BCL11A: variants seen among roughly 807,000 people sequenced by gnomAD.
The protein encoded by BCL11A is B cell CLL/lymphoma 11A.
BCL11A carries 2 observed loss-of-function variants against 55.9 expected under a neutral mutation model. The ratio of observed to expected loss-of-function variants is 0.04; its 90% CI spans 0.01 to 0.11. BCL11A has a LOEUF of 0.11. BCL11A is among the 10% of genes least tolerant of loss of function. The pLI, the probability that BCL11A is intolerant of heterozygous loss-of-function variation, is 1.00. For synonymous variants in BCL11A, 465 were observed against 473.4 expected, an observed-to-expected ratio of 0.98 and a Z score of 0.23; for missense variants, 817 against 1,137.1, an observed-to-expected ratio of 0.72 and a Z score of 4.05.
intron 2 of BCL11A, among the ~76,000 whole-genome samples, chr2:60,504,622 C>G (rs572834445): frequency 2.3e-4 from 35 of 152,312 alleles, no homozygotes; most frequent in African/African-American, 7.0e-4. Context: ...TCTGTCTCCC[C>G]CAAGCCCTCC....
Position 60,546,251 on chromosome 2 carries a change from C to T in BCL11A, c.105G>A (p.Pro35=), listed in dbSNP as rs774400493. 38 of 1,614,068 alleles carry T rather than the reference C, an allele frequency of 2.4e-5. No homozygotes were observed. The highest frequency in any genetic ancestry group is 1.6e-4 in the Middle Eastern group (1 of 6,082). The change falls in exon 2 of 4, where the codon CCG becomes CCA. Residue 35 remains proline, a synonymous_variant. Transcript: ENST00000642384. The surrounding 1 kb of genome is among the most constrained non-coding windows in gnomAD (Gnocchi z 4.1). ...ILTDDEPDHG[P]LGAPEGDHDL... ...CATGATCCCCTTCTGGAGCTCCCAA[C>T]GGGCCGTGGTCTGGTTCATCATCTG...
downstream of BCL11A, among the ~76,000 whole-genome samples, chr2:60,456,609 C>A (rs1292828246): frequency 1.3e-5 from 2 of 152,180 alleles, no homozygotes; most frequent in Non-Finnish European, 2.9e-5. Flanking sequence ...TCTTTCGTCT[C>A]TCTCTTTTTT....
At chr2:60,479,300 C>G (rs1677813056) in intron 2 of BCL11A, among the ~76,000 whole-genome samples, 1 of 152,250 alleles carries the variant, frequency 6.6e-6, no homozygotes, top group Non-Finnish European at 1.5e-5. Context: ...CCTCTGCGGG[C>G]ACAGCGGCCA....
chr2:60,480,772 A>T (rs1677902200), intron 2 of BCL11A, among the ~76,000 whole-genome samples: 1 of 152,100 alleles, frequency 6.6e-6, no homozygotes, highest in Non-Finnish European at 1.5e-5. Context: ...AATTGGTCTC[A>T]ATTACTAGTC....
At chr2:60,547,511 C>CAAA (rs35182373) in intron 1 of BCL11A, among the ~76,000 whole-genome samples, 1 of 114,624 alleles carries the variant, frequency 8.7e-6, no homozygotes, top group African/African-American at 2.8e-5. Context: ...CTTGCTCTAT[C>CAAA]AAAAAAAAAA....
At chr2:60,524,832 C>T (rs1669140421) in intron 2 of BCL11A, 1 of 152,162 alleles carries the variant, frequency 6.6e-6, no homozygotes, top group Non-Finnish European at 1.5e-5. Context: ...TTCAATGCCA[C>T]ATATAAATGG....
At chr2:60,482,966 T>C (rs902115364) in intron 2 of BCL11A, among the ~76,000 whole-genome samples, 1 of 152,326 alleles carries the variant, frequency 6.6e-6, no homozygotes, top group African/African-American at 2.4e-5. Flanking sequence ...ATTACAGAAA[T>C]GATGATGTTT....
chr2:60,477,261 A>G (rs1392498765), intron 2 of BCL11A, among the ~76,000 whole-genome samples: 1 of 152,332 alleles, frequency 6.6e-6, no homozygotes, highest in East Asian at 1.9e-4. Context: ...TTTGATTCTG[A>G]TAACACCTGC....
At chr2:60,471,022 T>C (rs1215995806) in intron 2 of BCL11A, among the ~76,000 whole-genome samples, 2 of 152,216 alleles carry the variant, frequency 1.3e-5, no homozygotes, top group African/African-American at 4.8e-5. Context: ...CTGCTGCTCC[T>C]GCCGTGGTCT....
Position 60,461,097 on chromosome 2 carries a change from G to A in BCL11A, c.1815C>T (p.Arg605=), listed in dbSNP as rs1676237141. Residue 605 remains arginine (R), a synonymous_variant, in exon 4 of 4, where the codon CGC becomes CGT. Transcript: ENST00000642384. Reference sequence around the variant, plus strand: ...AGGCCGACTCGCCCGGGGAGCAGCCGCGGCCATTAACAGTGCCATCGTCTA... The same window carrying A: ...AGGCCGACTCGCCCGGGGAGCAGCCACGGCCATTAACAGTGCCATCGTCTA... The part of the protein sequence containing the change: ...DRIDDGTVNG[R]GCSPGESASG... The A allele has an allele frequency of 1.2e-6, 2 of 1,602,828 alleles. No homozygotes were observed. Among genetic ancestry groups the A allele is most frequent in the African/African-American group, 1.3e-5 (1 of 74,708 alleles).
chr2:60,506,094 C>T (rs1679572973), intron 2 of BCL11A, among the ~76,000 whole-genome samples: 3 of 152,234 alleles, frequency 2.0e-5, no homozygotes, highest in African/African-American at 4.8e-5. Context: ...GATGTTAGCA[C>T]ACCTAAAAAT....
downstream of BCL11A, chr2:60,452,696 G>GAA (rs551839025): frequency 4.7e-6 from 7 of 1,487,428 alleles, no homozygotes; most frequent in Middle Eastern, 1.7e-4. Context: ...AGAGGAGGGG[G>GAA]AAAAAAAAAG....
intron 2 of BCL11A, among the ~76,000 whole-genome samples, chr2:60,499,222 A>C (rs1377614759): frequency 6.6e-6 from 1 of 152,164 alleles, no homozygotes; most frequent in East Asian, 1.9e-4. Flanking sequence ...GTAGAGCAAG[A>C]CAGCCATGTG....
intron 2 of BCL11A, chr2:60,525,495 G>A (rs1377370623): frequency 6.6e-6 from 1 of 152,024 alleles, no homozygotes; most frequent in Non-Finnish European, 1.5e-5. Context: ...CATCTTTGAG[G>A]CAAATCAAGA....
intron 2 of BCL11A, chr2:60,542,129 C>A (rs981217836): frequency 7.4e-6 from 3 of 404,688 alleles, no homozygotes; most frequent in African/African-American, 6.2e-5. Context: ...ATTTTAAATA[C>A]CCTGATATAA....
At position 60,459,583 on chromosome 2, in the gene BCL11A, G is replaced by C; in HGVS notation, c.*821C>G. 4 of 1,027,122 alleles carry C rather than the reference G, an allele frequency of 3.9e-6. No homozygotes were observed. Among genetic ancestry groups the C allele is most frequent in the Non-Finnish European group, 4.7e-6 (4 of 854,608 alleles). The allele number at this position is 1,027,122 out of a possible 1,614,324, so 63.6% of individuals were successfully genotyped here. A position where few individuals can be genotyped will look rare whatever the true frequency, so the allele number is the denominator to read the frequency against. On this transcript the variant is annotated 3_prime_UTR_variant, in exon 4 of 4. Transcript: ENST00000642384. ...AAATACAATATAGAATTATATGCTA[G>C]TTCCTAAGGTTTATTACCTCACCCA... is the stretch of plus-strand genomic sequence containing the variant.
At chr2:60,512,798 A>G (rs573742189) in intron 2 of BCL11A, among the ~76,000 whole-genome samples, 1 of 152,212 alleles carries the variant, frequency 6.6e-6, no homozygotes, top group Non-Finnish European at 1.5e-5. Flanking sequence ...TAGTGTCTCA[A>G]GTATGAGTCA....
chr2:60,452,291 G>A (rs1675755335), downstream of BCL11A: 1 of 326,836 alleles, frequency 3.1e-6, no homozygotes, highest in African/African-American at 2.1e-5. Flanking sequence ...GTTTCAGAAG[G>A]GCCAGGGCAT....
chr2:60,511,146 C>A (rs534443624), intron 2 of BCL11A, among the ~76,000 whole-genome samples: 10 of 152,194 alleles, frequency 6.6e-5, no homozygotes, highest in African/African-American at 2.2e-4. Flanking sequence ...GCTGCCTCCA[C>A]GGCATTACTC....
Sources: allele counts gnomAD v4.1 joint callset (sites outside exome capture counted in the v4.1 genomes callset), GRCh38; gene constraint gnomAD v4.1.1; non-coding constraint Gnocchi (gnomAD v3.1); transcripts MANE v1.5; gene names NCBI Gene and HGNC (gene_info 2026-07-23, HGNC 2026-07-21).